Variants in SLC35F1 observed in about 807,000 individuals in gnomAD.
SLC35F1 encodes solute carrier family 35 member F1, also known as chromosome 6 open reading frame 169.
SLC35F1 carries 14 observed loss-of-function variants against 48.7 expected under a neutral mutation model. That is an observed-to-expected ratio of 0.29 (90% confidence interval 0.19 to 0.45). SLC35F1 has a LOEUF of 0.45. SLC35F1 is among the 20% of genes least tolerant of loss of function. SLC35F1 has a pLI of 1.00. For missense variants in SLC35F1, 404 were observed against 500.0 expected, an observed-to-expected ratio of 0.81 and a Z score of 1.83; for synonymous variants, 190 against 202.2, an observed-to-expected ratio of 0.94 and a Z score of 0.51.
chr6:118,076,647 G>A (rs578190472), intron 1 of SLC35F1, among the ~76,000 whole-genome samples: 13 of 152,304 alleles, frequency 8.5e-5, no homozygotes, highest in East Asian at 7.7e-4. Context: ...CCCACCAGGC[G>A]TCTCTTTGAA....
chr6:118,060,130 TTCC>T (rs1772517548), intron 1 of SLC35F1, among the ~76,000 whole-genome samples: 1 of 152,220 alleles, frequency 6.6e-6, no homozygotes, highest in African/African-American at 2.4e-5. Flanking sequence ...TTTTGTATGC[TTCC>T]TCCTCATTAG....
At chr6:118,280,347 A>G (rs1775966828) in intron 6 of SLC35F1, among the ~76,000 whole-genome samples, 1 of 152,208 alleles carries the variant, frequency 6.6e-6, no homozygotes, top group Admixed American at 6.5e-5. Flanking sequence ...ATGTGTGAAC[A>G]AGTGCAATCA....
At position 118,316,289 on chromosome 6, in the gene SLC35F1, A is replaced by T. The variant is rs1380069600; in HGVS notation, c.*2037A>T. ...AATGGTCATCTCAGTTCAGCCCCCT[A>T]GGAAACATGTTTTATTTTCCATGGG... On this transcript the variant is annotated 3_prime_UTR_variant, in exon 8 of 8. Coordinates refer to ENST00000360388, the MANE Select transcript of SLC35F1 (RefSeq NM_001029858.4). The T allele has an allele frequency of 1.3e-5, 2 of 152,568 alleles. No individual in the cohort carries two copies. The highest frequency in any genetic ancestry group is 2.9e-5 in the Non-Finnish European group (2 of 68,020). 9.5% of individuals were successfully genotyped at this position (152,568 alleles called of 1,614,324 possible).
At chr6:118,003,682 A>T (rs1454951154) in intron 1 of SLC35F1, among the ~76,000 whole-genome samples, 1 of 152,264 alleles carries the variant, frequency 6.6e-6, no homozygotes, top group African/African-American at 2.4e-5. Context: ...TGAAGATAAC[A>T]TGACTTAATA....
intron 1 of SLC35F1, among the ~76,000 whole-genome samples, chr6:118,080,292 C>G (rs1056706446): frequency 3.3e-5 from 5 of 152,134 alleles, no homozygotes; most frequent in African/African-American, 1.2e-4. Context: ...TGCTTTCATC[C>G]CATATCCCAC....
intron 2 of SLC35F1, among the ~76,000 whole-genome samples, chr6:118,184,035 G>A (rs982174075): frequency 7.2e-5 from 11 of 152,172 alleles, no homozygotes; most frequent in African/African-American, 1.7e-4. Flanking sequence ...CTAGTGAATC[G>A]GCCACAGCTT....
At chr6:117,947,910 G>C (rs553212157) in intron 1 of SLC35F1, among the ~76,000 whole-genome samples, 1 of 152,236 alleles carries the variant, frequency 6.6e-6, no homozygotes, top group African/African-American at 2.4e-5. Context: ...CCAAGGAATT[G>C]AGTATAGATG....
intron 1 of SLC35F1, among the ~76,000 whole-genome samples, chr6:118,028,364 C>T (rs899498453): frequency 1.3e-5 from 2 of 151,754 alleles, no homozygotes; most frequent in Admixed American, 1.3e-4. Context: ...CTAGTAAGAT[C>T]AATGAAAATG....
chr6:118,004,742 T>C (rs568653446), intron 1 of SLC35F1, among the ~76,000 whole-genome samples: 22 of 152,092 alleles, frequency 1.4e-4, no homozygotes, highest in Non-Finnish European at 2.9e-4. Flanking sequence ...TTTAATTTCC[T>C]TGTAGAGATG....
At chr6:118,076,393 A>T (rs117189679) in intron 1 of SLC35F1, among the ~76,000 whole-genome samples, 2,167 of 152,330 alleles carry the variant, frequency 0.014, 20 homozygotes, top group Middle Eastern at 0.027. Context: ...TGCATAGTTT[A>T]TAAAGAAAAG....
intron 1 of SLC35F1, among the ~76,000 whole-genome samples, chr6:118,084,483 G>A (rs1772956221): frequency 6.6e-6 from 1 of 152,064 alleles, no homozygotes; most frequent in Non-Finnish European, 1.5e-5. Context: ...ATATGCTAAT[G>A]TGTTCAAAGA....
At chr6:118,310,347 G>A (rs1418666679) in intron 7 of SLC35F1, among the ~76,000 whole-genome samples, 2 of 152,160 alleles carry the variant, frequency 1.3e-5, no homozygotes, top group African/African-American at 4.8e-5. Flanking sequence ...TTTGCAGTTA[G>A]TAAGTAGCCT....
At chr6:118,052,174 C>T (rs1007536824) in intron 1 of SLC35F1, among the ~76,000 whole-genome samples, 1 of 152,182 alleles carries the variant, frequency 6.6e-6, no homozygotes, top group Non-Finnish European at 1.5e-5. Flanking sequence ...CAACCTGCAG[C>T]CACCCCTTCC....
intron 1 of SLC35F1, among the ~76,000 whole-genome samples, chr6:118,107,600 T>C (rs971241492): frequency 3.9e-5 from 6 of 152,212 alleles, no homozygotes; most frequent in African/African-American, 9.6e-5. Flanking sequence ...AGTTGGATCA[T>C]ATATGATAAG....
chr6:118,018,184 A>C (rs538189045), intron 1 of SLC35F1, among the ~76,000 whole-genome samples: 1 of 152,282 alleles, frequency 6.6e-6, no homozygotes, highest in East Asian at 1.9e-4. Flanking sequence ...CTGCCTGGCC[A>C]ACATGGTGAA....
chr6:117,968,040 C>T (rs921474009), intron 1 of SLC35F1, among the ~76,000 whole-genome samples: 1 of 152,064 alleles, frequency 6.6e-6, no homozygotes, highest in South Asian at 2.1e-4. Context: ...AGCATAAGTT[C>T]TGGTAATCAT....
chr6:118,094,042 T>C (rs1158875266), intron 1 of SLC35F1, among the ~76,000 whole-genome samples: 1 of 152,196 alleles, frequency 6.6e-6, no homozygotes, highest in East Asian at 1.9e-4. Flanking sequence ...GGACTGGAGG[T>C]TAATCAGAGA....
intron 2 of SLC35F1, among the ~76,000 whole-genome samples, chr6:118,205,681 G>C (rs1774926257): frequency 1.3e-5 from 2 of 152,134 alleles, no homozygotes; most frequent in South Asian, 4.1e-4. Context: ...ACTCAAACAG[G>C]TATTTGTATA....
intron 2 of SLC35F1, among the ~76,000 whole-genome samples, chr6:118,178,358 T>C (rs886775853): frequency 1.3e-5 from 2 of 152,202 alleles, no homozygotes; most frequent in African/African-American, 4.8e-5. Flanking sequence ...CCTACAGCTG[T>C]TTTTTTGAAA....
Sources: allele counts gnomAD v4.1 joint callset (sites outside exome capture counted in the v4.1 genomes callset), GRCh38; gene constraint gnomAD v4.1.1; transcripts MANE v1.5; gene names NCBI Gene and HGNC (gene_info 2026-07-23, HGNC 2026-07-21).